The following VAV3 variants were observed in gnomAD, a reference collection of about 807,000 sequenced individuals.
VAV3 encodes guanine nucleotide exchange factor VAV3.
VAV3 carries 94 observed loss-of-function variants against 131.2 expected under a neutral mutation model. The observed-to-expected ratio is 0.72, with a 90% CI of 0.61 to 0.85. The LOEUF is 0.85. Ranked by LOEUF, VAV3 falls within the 40% of genes least tolerant of loss-of-function variation. The pLI is 0.00. For missense variants in VAV3, 939 were observed against 1,002.7 expected (o/e 0.94, Z 0.86); for synonymous variants, 349 against 342.0 (o/e 1.02, Z -0.22).
chr1:107,606,807 T>C (rs1460855688), intron 22 of VAV3, among the ~76,000 whole-genome samples: 7 of 145,074 alleles, frequency 4.8e-5, no homozygotes, highest in East Asian at 3.9e-4. Context: ...TTTCTTCTTT[T>C]TTTTTTTTTT....
chr1:107,750,984 T>C (rs1297405990), intron 13 of VAV3, 133 bp downstream of exon 13: 6 of 821,990 alleles, frequency 7.3e-6, no homozygotes, highest in Non-Finnish European at 1.1e-5. Flanking sequence ...AATTTAGAAA[T>C]CATGGGTTGG....
In VAV3 at chr1:107,674,995, G is replaced by A. The variant is rs367756427; in HGVS notation, c.1777+8493C>T. Among the ~76,000 whole-genome samples, 20 of 152,238 alleles carry A rather than the reference G, an allele frequency of 1.3e-4. No individual in the cohort carries two copies. In the South Asian group the frequency reaches 1.7e-3, roughly 13 times the overall value. Reference sequence around the variant, plus strand: ...CACAGTCCAAAAGGAATGGAATCCCGCGAAAAGCAGTGTAAGTGAGTTTGA... The same window carrying A: ...CACAGTCCAAAAGGAATGGAATCCCACGAAAAGCAGTGTAAGTGAGTTTGA... On this transcript the variant is annotated intron_variant, in intron 19 of 26. Transcript: ENST00000370056.
intron 1 of VAV3, among the ~76,000 whole-genome samples, chr1:107,897,472 T>C (rs1052205302): frequency 2.6e-5 from 4 of 151,358 alleles, no homozygotes; most frequent in South Asian, 2.1e-4. Context: ...AGAAAGGGCA[T>C]ATGGAAAGCT....
chr1:107,630,274 C>T (rs1482847939), intron 20 of VAV3, among the ~76,000 whole-genome samples: 2 of 151,928 alleles, frequency 1.3e-5, no homozygotes, highest in African/African-American at 4.8e-5. Flanking sequence ...GAAACACAGT[C>T]AGTTACATAG....
intron 19 of VAV3, among the ~76,000 whole-genome samples, chr1:107,652,381 C>T (rs903214884): frequency 6.6e-6 from 1 of 152,026 alleles, no homozygotes; most frequent in Admixed American, 6.6e-5. Flanking sequence ...ATCAACAGTC[C>T]CTGGGGCTGC....
chr1:107,759,232 T>A (rs759898674), intron 10 of VAV3, among the ~76,000 whole-genome samples: 5 of 152,154 alleles, frequency 3.3e-5, no homozygotes, highest in African/African-American at 4.8e-5. Context: ...CTTTAATGAA[T>A]CCAATACTAC....
intron 1 of VAV3, among the ~76,000 whole-genome samples, chr1:107,956,401 G>A (rs569367939): frequency 2.2e-4 from 34 of 152,222 alleles, no homozygotes; most frequent in Non-Finnish European, 4.0e-4. Flanking sequence ...AGAATCCTCA[G>A]CAGCTTTTGT....
intron 1 of VAV3, among the ~76,000 whole-genome samples, chr1:107,942,774 T>G (rs970699017): frequency 2.6e-5 from 4 of 152,224 alleles, no homozygotes; most frequent in Admixed American, 2.6e-4. Context: ...AACTTTCTGG[T>G]TTGCAATAAG....
intron 15 of VAV3, among the ~76,000 whole-genome samples, chr1:107,738,198 C>T (rs1304215010): frequency 1.3e-5 from 2 of 152,022 alleles, no homozygotes; most frequent in Non-Finnish European, 2.9e-5. Context: ...CACACTGGGG[C>T]CCATCTGGGG....
intron 19 of VAV3, among the ~76,000 whole-genome samples, chr1:107,673,250 T>A (rs1196882948): frequency 1.3e-5 from 2 of 152,216 alleles, no homozygotes; most frequent in African/African-American, 2.4e-5. Flanking sequence ...ATGTCACTCC[T>A]CTGGATAAAA....
intron 20 of VAV3, among the ~76,000 whole-genome samples, chr1:107,627,531 A>C (rs1654117079): frequency 1.3e-5 from 2 of 152,162 alleles, no homozygotes; most frequent in African/African-American, 2.4e-5. Context: ...AGAAACAAAA[A>C]ATACCTGATT....
chr1:107,725,824 G>A (rs558991006), intron 15 of VAV3, among the ~76,000 whole-genome samples: 130 of 152,216 alleles, frequency 8.5e-4, no homozygotes, highest in African/African-American at 3.1e-3. Context: ...GCAAATTTCA[G>A]TAGCTAACCA....
intron 25 of VAV3, among the ~76,000 whole-genome samples, chr1:107,584,302 G>C (rs910767856): frequency 6.6e-6 from 1 of 152,010 alleles, no homozygotes; most frequent in Non-Finnish European, 1.5e-5. Flanking sequence ...AACCATAAAA[G>C]CCCTAGAAGA....
intron 1 of VAV3, among the ~76,000 whole-genome samples, chr1:107,949,046 G>A (rs1452216556): frequency 6.6e-6 from 1 of 152,010 alleles, no homozygotes; most frequent in East Asian, 1.9e-4. Flanking sequence ...ACTTAAACAG[G>A]CTTAATGAAA....
chr1:107,745,509 CT>C (rs929545062), intron 15 of VAV3, among the ~76,000 whole-genome samples: 1 of 152,056 alleles, frequency 6.6e-6, no homozygotes, highest in Non-Finnish European at 1.5e-5. Flanking sequence ...ATTTTAAATG[CT>C]GGAAGTGGTT....
At chr1:107,638,585 T>C (rs935719606) in intron 20 of VAV3, among the ~76,000 whole-genome samples, 1 of 152,216 alleles carries the variant, frequency 6.6e-6, no homozygotes, top group African/African-American at 2.4e-5. Flanking sequence ...TCAGTCTTGT[T>C]AGGATGTCAA....
At chr1:107,784,411 A>AT (rs1263184125) in intron 2 of VAV3, among the ~76,000 whole-genome samples, 2 of 152,124 alleles carry the variant, frequency 1.3e-5, no homozygotes, top group Admixed American at 1.3e-4. Context: ...CTTTTTCAAC[A>AT]TTTTTCTGCA....
At chr1:107,712,680 A>G (rs1390384508) in intron 15 of VAV3, among the ~76,000 whole-genome samples, 1 of 152,262 alleles carries the variant, frequency 6.6e-6, no homozygotes, top group Non-Finnish European at 1.5e-5. Context: ...TCATTTAAAA[A>G]AAACTTATTA....
At chr1:107,960,622 C>T (rs1216599705) in intron 1 of VAV3, among the ~76,000 whole-genome samples, 3 of 151,824 alleles carry the variant, frequency 2.0e-5, no homozygotes, top group Non-Finnish European at 4.4e-5. Flanking sequence ...TCTGACTTCA[C>T]GTTTCCCACT....
Sources: gnomAD v4.1 joint callset for allele counts (sites outside exome capture counted in the v4.1 genomes callset) on GRCh38, gnomAD v4.1.1 for gene constraint, MANE v1.5 for transcripts, NCBI Gene and HGNC (gene_info 2026-07-23, HGNC 2026-07-21) for gene names.